The following FLVCR2 variants were observed in gnomAD, a reference collection of about 807,000 sequenced individuals.
The protein encoded by FLVCR2 is choline/ethanolamine transporter FLVCR2.
In FLVCR2, 38 loss-of-function variants were observed where a neutral mutation model predicts 48.9. The observed-to-expected ratio is 0.78, with a 90% CI of 0.60 to 1.02. FLVCR2 has a LOEUF of 1.02. Among genes scored for constraint, FLVCR2 ranks in the 50% least tolerant of loss-of-function variants. The probability of loss-of-function intolerance (pLI) is 0.00; values close to 1 mark genes in which losing one functional copy is unlikely to be tolerated. For synonymous variants in FLVCR2, 255 were observed against 257.0 expected (o/e 0.99, Z 0.07); for missense variants, 664 against 663.3 (o/e 1.00, Z -0.01).
At chr14:75,640,933 G>T in intron 6 of FLVCR2, 22 bp from the exon 7 acceptor site, 1 of 1,557,938 alleles carries the variant, frequency 6.4e-7, no homozygotes, top group East Asian at 2.2e-5. Flanking sequence ...TCATCCCCTT[G>T]TTTCTCTGGT....
Position 75,579,185 on chromosome 14 carries a change from C to T in FLVCR2, c.213C>T (p.Gly71=), listed in dbSNP as rs1209281098. 1 of 1,614,152 alleles carries T rather than the reference C, an allele frequency of 6.2e-7. No homozygotes were observed. Residue 71 remains glycine (G), a synonymous_variant, in exon 1 of 10, where the codon GGC becomes GGT. Coordinates refer to ENST00000238667, the MANE Select transcript of FLVCR2 (RefSeq NM_017791.3). ...PSGLAHPSSS[G]PEDLSVIKVS... is the part of the protein sequence containing the mutation. The stretch of plus-strand genomic sequence containing the variant: ...GCTTGGCTCACCCCAGTAGCTCGGG[C>T]CCTGAGGACCTCAGCGTGATCAAGG...
chr14:75,640,972 A>G lies in FLVCR2; in HGVS notation c.1253A>G (p.Tyr418Cys). The change falls in exon 7 of 10, where the codon TAT becomes TGT. Residue 418 changes from tyrosine (Y) to cysteine (C), a missense_variant. Transcript: ENST00000238667. ...GTCTTCAGCTTCTTTATGACTGGCTATCTCCCACTGGGATTTGAGTTTGCT... is the reference window on the plus strand; with the variant it reads ...GTCTTCAGCTTCTTTATGACTGGCTGTCTCCCACTGGGATTTGAGTTTGCT... ...AGTMGFFMTG[Y>C]LPLGFEFAVE... 4 of 1,613,714 alleles carry G rather than the reference A, an allele frequency of 2.5e-6. No homozygotes were observed. The highest frequency in any genetic ancestry group is 3.4e-6 in the Non-Finnish European group (4 of 1,179,684).
At chr14:75,597,291 AAAGAAG>A (rs59485467) in intron 1 of FLVCR2, among the ~76,000 whole-genome samples, 318 of 146,616 alleles carry the variant, frequency 2.2e-3, no homozygotes, top group African/African-American at 7.8e-3. Context: ...AAAAAAAAAA[AAAGAAG>A]AAGAAGAAGA....
chr14:75,586,467 G>T (rs1392460613), intron 1 of FLVCR2, among the ~76,000 whole-genome samples: 1 of 152,224 alleles, frequency 6.6e-6, no homozygotes, highest in African/African-American at 2.4e-5. Context: ...GAGGGGATAT[G>T]ATGGCTTAGC....
intron 3 of FLVCR2, among the ~76,000 whole-genome samples, chr14:75,627,555 C>T (rs4903339): frequency 0.11 from 16,108 of 152,188 alleles, 1,074 homozygotes; most frequent in South Asian, 0.28. Context: ...GTCTCATAGC[C>T]ATTGGAGGGA....
intron 1 of FLVCR2, among the ~76,000 whole-genome samples, chr14:75,614,951 C>G (rs1889569997): frequency 6.6e-6 from 1 of 152,208 alleles, no homozygotes. Context: ...ATGATCCAGT[C>G]ACCTCCCACC....
At chr14:75,628,434 C>A (rs1310878739) in intron 3 of FLVCR2, among the ~76,000 whole-genome samples, 1 of 152,200 alleles carries the variant, frequency 6.6e-6, no homozygotes, top group African/African-American at 2.4e-5. Context: ...TGAAATCCTC[C>A]AGAATTACCC....
chr14:75,591,505 A>C (rs1438543142), intron 1 of FLVCR2, among the ~76,000 whole-genome samples: 1 of 150,822 alleles, frequency 6.6e-6, no homozygotes, highest in African/African-American at 2.5e-5. Context: ...ACAGGTTGGA[A>C]TCACATGGCT....
intron 1 of FLVCR2, among the ~76,000 whole-genome samples, chr14:75,587,943 A>T (rs949293714): frequency 6.6e-6 from 1 of 152,212 alleles, no homozygotes; most frequent in Non-Finnish European, 1.5e-5. Context: ...TTGCTTTTAG[A>T]AGTGAATACA....
At chr14:75,588,583 G>A (rs1037016071) in intron 1 of FLVCR2, among the ~76,000 whole-genome samples, 1 of 152,170 alleles carries the variant, frequency 6.6e-6, no homozygotes, top group African/African-American at 2.4e-5. Flanking sequence ...CCCGATTCAA[G>A]CAATTCTGCC....
chr14:75,618,427 A>AGCTCTTC (rs1466409096), intron 1 of FLVCR2, among the ~76,000 whole-genome samples: 1 of 152,262 alleles, frequency 6.6e-6, no homozygotes, highest in Admixed American at 6.5e-5. Context: ...TTTGAAAAGT[A>AGCTCTTC]TGTTCCAGAA....
intron 8 of FLVCR2, among the ~76,000 whole-genome samples, chr14:75,641,585 T>C (rs563953728): frequency 5.8e-4 from 89 of 152,266 alleles, no homozygotes; most frequent in African/African-American, 2.0e-3. Flanking sequence ...AGGATTGTTG[T>C]GATGATTAGA....
intron 1 of FLVCR2, chr14:75,605,625 GT>G: frequency 6.5e-7 from 1 of 1,536,062 alleles, no homozygotes; most frequent in Non-Finnish European, 8.7e-7. Flanking sequence ...GAGACAGGAG[GT>G]GAGGATAGAT....
intron 4 of FLVCR2, 67 bp from the exon 5 acceptor site, chr14:75,634,842 TG>T: frequency 9.8e-7 from 1 of 1,021,312 alleles, no homozygotes; most frequent in African/African-American, 1.6e-5. Context: ...CTTCACCCCA[TG>T]GTGACTGTGC....
intron 1 of FLVCR2, among the ~76,000 whole-genome samples, chr14:75,591,366 C>A (rs1368271379): frequency 6.6e-6 from 1 of 152,236 alleles, no homozygotes; most frequent in Non-Finnish European, 1.5e-5. Context: ...AAATCTTAAA[C>A]CTCCAGAATA....
At position 75,579,090 on chromosome 14, in the gene FLVCR2, T is replaced by A; in HGVS notation, c.118T>A (p.Ser40Thr). The A allele has an allele frequency of 6.2e-7, 1 of 1,613,968 alleles. No individual in the cohort carries two copies. Among genetic ancestry groups the A allele is most frequent in the South Asian group, 1.1e-5 (1 of 91,060 alleles). ...HPSVSVHPSVSINPSVSVHPS... is the reference protein window; with the variant it reads ...HPSVSVHPSVTINPSVSVHPS... ...CAGCGTCTCGGTCCATCCCAGCGTC[T>A]CCATCAACCCCAGCGTCTCTGTCCA... Residue 40 changes from serine to threonine, a missense_variant, in exon 1 of 10, where the codon TCC (serine) becomes ACC (threonine). Transcript: ENST00000238667.
chr14:75,624,874 T>A (rs937923202), intron 3 of FLVCR2, 122 bp downstream of exon 3: 3 of 1,252,368 alleles, frequency 2.4e-6, no homozygotes, highest in Admixed American at 3.7e-5. Flanking sequence ...TTGTCTAGGG[T>A]CAATCCAGAG....
chr14:75,593,572 C>G (rs1888938604), intron 1 of FLVCR2, among the ~76,000 whole-genome samples: 1 of 152,198 alleles, frequency 6.6e-6, no homozygotes, highest in Admixed American at 6.5e-5. Flanking sequence ...TCCATGAGAT[C>G]AGCTGGTGGA....
chr14:75,605,201 G>C (rs949742085), intron 1 of FLVCR2, among the ~76,000 whole-genome samples: 2 of 152,162 alleles, frequency 1.3e-5, no homozygotes, highest in Non-Finnish European at 2.9e-5. Context: ...TGGATTGCAG[G>C]ATGTAGGTTG....
Sources: gnomAD v4.1 joint callset for allele counts (sites outside exome capture counted in the v4.1 genomes callset) on GRCh38, gnomAD v4.1.1 for gene constraint, MANE v1.5 for transcripts, NCBI Gene and HGNC (gene_info 2026-07-23, HGNC 2026-07-21) for gene names.